PDZRN3: variants seen among roughly 807,000 people sequenced by gnomAD.
PDZRN3 encodes the protein E3 ubiquitin-protein ligase PDZRN3.
PDZRN3 carries 38 observed loss-of-function variants against 85.7 expected under a neutral mutation model. The observed-to-expected ratio is 0.44, with a 90% CI of 0.34 to 0.58. The LOEUF is 0.58. PDZRN3 is among the 20% of genes least tolerant of loss of function. The pLI is 0.01. For missense variants in PDZRN3, 1,629 were observed against 1,506.4 expected (o/e 1.08, Z -1.35); for synonymous variants, 759 against 638.0 (o/e 1.19, Z -2.86).
At chr3:73,516,696 A>G (rs1016797236) in intron 3 of PDZRN3, among the ~76,000 whole-genome samples, 2 of 152,248 alleles carry the variant, frequency 1.3e-5, no homozygotes, top group African/African-American at 4.8e-5. Context: ...TCAGACCTAT[A>G]AATAGGCATC....
rs35396413 is a variant in PDZRN3 at position 73,600,304 on chromosome 3, A to AACAC, written c.918+2046_918+2049dup. On this transcript the variant is annotated intron_variant, in intron 3 of 9. Coordinates refer to ENST00000263666, the MANE Select transcript of PDZRN3 (RefSeq NM_015009.3). ...AGACTTTGACTCTTCTTAGTAATGA[A>AACAC]ACACACACACACACACACACACACA... Among the ~76,000 whole-genome samples the AACAC allele has an allele frequency of 8.3e-3, 1,031 of 124,436 alleles. 28 individuals carry two copies. The highest frequency in any genetic ancestry group is 0.029 in the African/African-American group (894 of 30,566). The allele number at this position is 124,436 out of a possible 152,430, so 81.6% of individuals were successfully genotyped here.
At chr3:73,616,376 G>A (rs1702764183) in intron 1 of PDZRN3, among the ~76,000 whole-genome samples, 1 of 152,098 alleles carries the variant, frequency 6.6e-6, no homozygotes, top group African/African-American at 2.4e-5. Context: ...CTTACATGAA[G>A]GTAGGAGGTT....
At chr3:73,543,385 G>A (rs1701330842) in intron 3 of PDZRN3, among the ~76,000 whole-genome samples, 1 of 152,214 alleles carries the variant, frequency 6.6e-6, no homozygotes, top group African/African-American at 2.4e-5. Flanking sequence ...GCACCTGAGA[G>A]GTGAGGGGGT....
intron 3 of PDZRN3, among the ~76,000 whole-genome samples, chr3:73,571,161 C>G (rs1275385622): frequency 1.3e-5 from 2 of 152,214 alleles, no homozygotes; most frequent in East Asian, 3.9e-4. Flanking sequence ...AACATACAAT[C>G]TCAGTCCTAT....
chr3:73,509,946 G>GA (rs1704134174), intron 3 of PDZRN3, among the ~76,000 whole-genome samples: 1 of 152,170 alleles, frequency 6.6e-6, no homozygotes, highest in Non-Finnish European at 1.5e-5. Context: ...CAAATGTTTT[G>GA]AAAACAACGG....
At chr3:73,402,158 T>G (rs541202534) in intron 4 of PDZRN3, among the ~76,000 whole-genome samples, 1 of 152,362 alleles carries the variant, frequency 6.6e-6, no homozygotes, top group South Asian at 2.1e-4. Context: ...TGGACTCTTC[T>G]GACATTTCTC....
At chr3:73,484,325 A>C (rs1358177635) in intron 3 of PDZRN3, among the ~76,000 whole-genome samples, 1 of 152,198 alleles carries the variant, frequency 6.6e-6, no homozygotes, top group Non-Finnish European at 1.5e-5. Flanking sequence ...GTTCTGGAGC[A>C]GACGCATGGG....
chr3:73,544,893 A>G (rs1701386338), intron 3 of PDZRN3, among the ~76,000 whole-genome samples: 1 of 152,210 alleles, frequency 6.6e-6, no homozygotes, highest in South Asian at 2.1e-4. Context: ...GTGAGATTTG[A>G]TATGAAAACT....
chr3:73,439,023 C>T (rs1045590855), intron 3 of PDZRN3, among the ~76,000 whole-genome samples: 1 of 152,200 alleles, frequency 6.6e-6, no homozygotes, highest in African/African-American at 2.4e-5. Context: ...CCTCCTCTGT[C>T]CCACCCTCCT....
chr3:73,392,182 A>C (rs1701542164), intron 5 of PDZRN3, among the ~76,000 whole-genome samples: 1 of 152,258 alleles, frequency 6.6e-6, no homozygotes, highest in African/African-American at 2.4e-5. Context: ...GAGCAACAGC[A>C]GGTGCAAAAG....
Position 73,383,834 on chromosome 3 carries a change from G to A in PDZRN3, c.2732C>T (p.Ser911Phe), listed in dbSNP as rs749128365. ...CATGCGCGGCTCCGACGGGGTGGGA[G>A]AGCTCAGGTCCTTGCACATGCTCAC... ...SLVSMCKDLS[S>F]PTPSEPRMEW... Residue 911 changes from serine to phenylalanine, a missense_variant, in exon 10 of 10, where the codon TCT (serine) becomes TTT (phenylalanine). Coordinates refer to ENST00000263666, the MANE Select transcript of PDZRN3 (RefSeq NM_015009.3). 25 of 1,613,476 alleles carry A rather than the reference G, an allele frequency of 1.5e-5. No individual in the cohort carries two copies. Among genetic ancestry groups the A allele is most frequent in the Non-Finnish European group, 1.9e-5 (22 of 1,179,814 alleles).
chr3:73,428,749 T>C (rs779563534), intron 3 of PDZRN3, among the ~76,000 whole-genome samples: 11 of 152,112 alleles, frequency 7.2e-5, no homozygotes, highest in Admixed American at 3.9e-4. Flanking sequence ...ATAAAAGTGG[T>C]TTATAATCCA....
chr3:73,492,848 T>C (rs866673640), intron 3 of PDZRN3, among the ~76,000 whole-genome samples: 36 of 152,208 alleles, frequency 2.4e-4, no homozygotes, highest in Admixed American at 1.2e-3. Context: ...AATCTGATCA[T>C]TACATATTGT....
At chr3:73,550,390 T>C (rs763374380) in intron 3 of PDZRN3, among the ~76,000 whole-genome samples, 3 of 152,212 alleles carry the variant, frequency 2.0e-5, no homozygotes, top group Non-Finnish European at 4.4e-5. Flanking sequence ...TGGCTGCACA[T>C]TATAATCACC....
intron 3 of PDZRN3, among the ~76,000 whole-genome samples, chr3:73,507,243 A>G (rs1403062047): frequency 6.6e-6 from 1 of 152,042 alleles, no homozygotes; most frequent in African/African-American, 2.4e-5. Context: ...ATCTCAGTTC[A>G]CAGCAACCTC....
At chr3:73,606,571 T>C (rs1437101902) in intron 2 of PDZRN3, among the ~76,000 whole-genome samples, 1 of 152,098 alleles carries the variant, frequency 6.6e-6, no homozygotes, top group East Asian at 1.9e-4. Flanking sequence ...TATACCAACC[T>C]CACGCGGTTC....
chr3:73,503,607 G>A (rs1226144506), intron 3 of PDZRN3, among the ~76,000 whole-genome samples: 2 of 152,246 alleles, frequency 1.3e-5, no homozygotes, highest in African/African-American at 2.4e-5. Context: ...TTTGACTATA[G>A]AGGACATCAT....
chr3:73,482,757 A>G (rs55668246), intron 3 of PDZRN3, among the ~76,000 whole-genome samples: 48 of 152,336 alleles, frequency 3.2e-4, no homozygotes, highest in Non-Finnish European at 5.0e-4. Context: ...CCAGGTTGCT[A>G]TAAGACACCA....
intron 3 of PDZRN3, among the ~76,000 whole-genome samples, chr3:73,565,790 C>CAA (rs1200403291): frequency 0.12 from 1,332 of 11,438 alleles, 29 homozygotes; most frequent in South Asian, 0.22. Flanking sequence ...ATACAAAACA[C>CAA]ACACACACAC....
Sources: allele counts gnomAD v4.1 joint callset (sites outside exome capture counted in the v4.1 genomes callset), GRCh38; gene constraint gnomAD v4.1.1; transcripts MANE v1.5; gene names NCBI Gene and HGNC (gene_info 2026-07-23, HGNC 2026-07-21).